WWOX: variants seen among roughly 807,000 people sequenced by gnomAD.
WWOX encodes the protein WW domain-containing oxidoreductase.
In WWOX, 69 loss-of-function variants were observed where a neutral mutation model predicts 46.2. The observed-to-expected ratio is 1.49, with a 90% confidence interval of 1.23 to 1.82. WWOX has a LOEUF of 1.82. Among genes scored for constraint, WWOX ranks in the 40% most tolerant of loss-of-function variants. The pLI, the probability that WWOX is intolerant of heterozygous loss-of-function variation, is 0.00. For synonymous variants in WWOX, 359 were observed against 202.6 expected (o/e 1.77, Z -6.56); for missense variants, 919 against 542.6 (o/e 1.69, Z -6.89).
chr16:78,318,861 A>T (rs2080408441), intron 5 of WWOX, among the ~76,000 whole-genome samples: 1 of 152,230 alleles, frequency 6.6e-6, no homozygotes, highest in African/African-American at 2.4e-5. Flanking sequence ...ACCAGGAAAC[A>T]TGCCTGGGTA....
chr16:78,382,875 C>G (rs557094168), intron 5 of WWOX, among the ~76,000 whole-genome samples: 83 of 151,062 alleles, frequency 5.5e-4, no homozygotes, highest in South Asian at 1.7e-3. Flanking sequence ...ATAAACATAC[C>G]TGAGACTGTG....
chr16:78,834,795 A>T (rs537588230), intron 8 of WWOX, among the ~76,000 whole-genome samples: 1 of 152,196 alleles, frequency 6.6e-6, no homozygotes, highest in Non-Finnish European at 1.5e-5. Context: ...ACATTAGTTT[A>T]CCCAGAACCA....
chr16:78,478,704 A>C (rs1009766617), intron 8 of WWOX, among the ~76,000 whole-genome samples: 1 of 152,224 alleles, frequency 6.6e-6, no homozygotes, highest in African/African-American at 2.4e-5. Context: ...GCAGGCTCCA[A>C]AGGTGCTTAA....
chr16:78,869,988 C>T (rs1324042008), intron 8 of WWOX, among the ~76,000 whole-genome samples: 1 of 152,178 alleles, frequency 6.6e-6, no homozygotes, highest in Admixed American at 6.5e-5. Context: ...AGCTGAATGA[C>T]ACAGATCAAA....
chr16:78,630,878 C>A (rs975503190), intron 8 of WWOX, among the ~76,000 whole-genome samples: 27 of 118,088 alleles, frequency 2.3e-4, no homozygotes, highest in South Asian at 1.3e-3. Context: ...TGCAGTCAGC[C>A]CCCCTCTCTC....
intron 8 of WWOX, among the ~76,000 whole-genome samples, chr16:79,161,647 C>T (rs753904556): frequency 7.9e-5 from 12 of 152,076 alleles, no homozygotes; most frequent in African/African-American, 2.4e-4. Context: ...CTCAGCTTCC[C>T]GAGTAGCTGG....
intron 8 of WWOX, among the ~76,000 whole-genome samples, chr16:78,454,964 A>G (rs2083781510): frequency 1.3e-5 from 2 of 152,214 alleles, no homozygotes; most frequent in Non-Finnish European, 2.9e-5. Context: ...ATAAATGTTC[A>G]TTGAGTGCCC....
At chr16:78,719,011 A>AG (rs1265421068) in intron 8 of WWOX, among the ~76,000 whole-genome samples, 2 of 152,100 alleles carry the variant, frequency 1.3e-5, no homozygotes, top group Non-Finnish European at 2.9e-5. Flanking sequence ...TCTTGGTAGC[A>AG]GGGGGGTTAG....
Position 78,883,723 on chromosome 16 carries a change from C to CAA in WWOX, c.1057-327874_1057-327873dup, listed in dbSNP as rs202124516. Among the ~76,000 whole-genome samples the CAA allele has an allele frequency of 2.4e-4, 29 of 120,090 alleles. 1 individual carries two copies. The highest frequency in any genetic ancestry group is 1.6e-3 in the Admixed American group (19 of 11,824). The allele number at this position is 120,090 out of a possible 152,430, so 78.8% of individuals were successfully genotyped here. ...TGGGCAACAGAGCAAGACTCTGTCT[C>CAA]AAAAAAAAAAAAGAAAAAAAAAGTA... On this transcript the variant is annotated intron_variant, in intron 8 of 8. Coordinates refer to ENST00000566780, the MANE Select transcript of WWOX (RefSeq NM_016373.4).
At chr16:78,138,277 A>G (rs9935941) in intron 4 of WWOX, among the ~76,000 whole-genome samples, 68,533 of 150,208 alleles carry the variant, frequency 0.46, 17,460 homozygotes, top group African/African-American at 0.54. Flanking sequence ...TAGTTTAATT[A>G]AAATTATTTC....
chr16:78,223,697 G>A (rs1452964752), intron 5 of WWOX, among the ~76,000 whole-genome samples: 3 of 152,186 alleles, frequency 2.0e-5, no homozygotes. Context: ...GGGTGTTTGA[G>A]TTCAGTGGCA....
intron 8 of WWOX, among the ~76,000 whole-genome samples, chr16:78,808,795 T>C (rs969364344): frequency 6.6e-6 from 1 of 152,176 alleles, no homozygotes; most frequent in African/African-American, 2.4e-5. Flanking sequence ...GTGTGTGATC[T>C]TGACCACTAG....
chr16:78,343,966 C>T (rs13338972), intron 5 of WWOX, among the ~76,000 whole-genome samples: 13,126 of 119,758 alleles, frequency 0.11, 4,050 homozygotes, highest in African/African-American at 0.33. Context: ...TCTTCCTTTG[C>T]CTTCCTCCCT....
At chr16:78,584,408 C>T (rs182784797) in intron 8 of WWOX, among the ~76,000 whole-genome samples, 5 of 152,308 alleles carry the variant, frequency 3.3e-5, no homozygotes, top group African/African-American at 1.2e-4. Flanking sequence ...TTTCGCAACA[C>T]GTCGCTTAAT....
intron 8 of WWOX, among the ~76,000 whole-genome samples, chr16:78,777,216 A>G (rs1214961476): frequency 6.6e-6 from 1 of 151,700 alleles, no homozygotes; most frequent in Non-Finnish European, 1.5e-5. Context: ...TTTTTTTCCC[A>G]TCTCTTCCTT....
chr16:78,839,771 AG>A (rs1368323114), intron 8 of WWOX, among the ~76,000 whole-genome samples: 4 of 152,136 alleles, frequency 2.6e-5, no homozygotes, highest in Non-Finnish European at 5.9e-5. Context: ...ATTGGGACTG[AG>A]GAATGGGTTA....
At chr16:78,568,111 A>T (rs1207078304) in intron 8 of WWOX, among the ~76,000 whole-genome samples, 2 of 152,144 alleles carry the variant, frequency 1.3e-5, no homozygotes, top group Non-Finnish European at 2.9e-5. Context: ...ATCCGTGCGG[A>T]ATTTGAAAGT....
intron 5 of WWOX, among the ~76,000 whole-genome samples, chr16:78,164,994 ATTCTC>A (rs1325155133): frequency 6.6e-6 from 1 of 152,222 alleles, no homozygotes; most frequent in African/African-American, 2.4e-5. Context: ...CAAGAGAAGT[ATTCTC>A]TTAGCAGTGA....
At chr16:78,732,039 C>T (rs1485811978) in intron 8 of WWOX, among the ~76,000 whole-genome samples, 1 of 151,862 alleles carries the variant, frequency 6.6e-6, no homozygotes, top group Non-Finnish European at 1.5e-5. Flanking sequence ...AAACAAAACA[C>T]TTTTTGTAGA....
Sources: gnomAD v4.1 joint callset for allele counts (sites outside exome capture counted in the v4.1 genomes callset) on GRCh38, gnomAD v4.1.1 for gene constraint, MANE v1.5 for transcripts, NCBI Gene and HGNC (gene_info 2026-07-23, HGNC 2026-07-21) for gene names.